Variants in CHST8 observed in about 807,000 individuals in gnomAD.
CHST8 encodes the protein GALNAC-4-ST1.
CHST8 carries 10 observed loss-of-function variants against 15.0 expected under a neutral mutation model. That is an observed-to-expected ratio of 0.67 (90% CI 0.41 to 1.13). CHST8 has a LOEUF of 1.13. Ranked by LOEUF, CHST8 falls within the 50% of genes most tolerant of loss-of-function variation. The pLI, the probability that CHST8 is intolerant of heterozygous loss-of-function variation, is 0.00. For synonymous variants in CHST8, 259 were observed against 256.6 expected (o/e 1.01, Z -0.09); for missense variants, 634 against 608.2 (o/e 1.04, Z -0.45).
chr19:33,678,362 C>A (rs1439438380), intron 2 of CHST8, among the ~76,000 whole-genome samples: 1 of 152,152 alleles, frequency 6.6e-6, no homozygotes, highest in African/African-American at 2.4e-5. Flanking sequence ...GGCCAAGAGA[C>A]TTTTGTTCTG....
chr19:33,680,131 G>T (rs376386146), intron 2 of CHST8, among the ~76,000 whole-genome samples: 2 of 151,986 alleles, frequency 1.3e-5, no homozygotes, highest in Non-Finnish European at 2.9e-5. Context: ...ACTCCATCTC[G>T]GTATCTCCTT....
intron 1 of CHST8, among the ~76,000 whole-genome samples, chr19:33,643,227 G>A (rs948954344): frequency 3.9e-5 from 6 of 152,058 alleles, no homozygotes; most frequent in African/African-American, 1.4e-4. Context: ...AATCACAACC[G>A]CACTGGGAAT....
At chr19:33,630,605 T>C (rs1052562523) in intron 1 of CHST8, among the ~76,000 whole-genome samples, 1 of 151,032 alleles carries the variant, frequency 6.6e-6, no homozygotes, top group African/African-American at 2.4e-5. Context: ...AGGCAGTCTG[T>C]CTACACTGGT....
Position 33,710,472 on chromosome 19 carries a change from T to C in CHST8, c.130+21081T>C, listed in dbSNP as rs546148311. 2.0e-5 allele frequency among the ~76,000 whole-genome samples: 3 copies of C among 152,346 alleles called. No individual in the cohort carries two copies. The South Asian group carries it at 6.2e-4, about 32-fold the overall frequency. ...TTTTTCATTTCTTAAGGTGGAAGAT[T>C]AGGCTATTGATTTGAGATTCTTCTT... On this transcript the variant is annotated intron_variant, in intron 3 of 4. Transcript: ENST00000650847.
intron 3 of CHST8, among the ~76,000 whole-genome samples, chr19:33,717,923 G>A (rs1444885956): frequency 6.6e-6 from 1 of 152,136 alleles, no homozygotes; most frequent in Non-Finnish European, 1.5e-5. Flanking sequence ...AGAGGTACTG[G>A]GGGTTAGGAC....
chr19:33,764,587 C>T (rs1400081412), intron 3 of CHST8, among the ~76,000 whole-genome samples: 1 of 152,206 alleles, frequency 6.6e-6, no homozygotes, highest in Non-Finnish European at 1.5e-5. Context: ...GTGCCCGCCC[C>T]ACCCTCAAAA....
chr19:33,746,813 G>A (rs1303950599), intron 3 of CHST8, among the ~76,000 whole-genome samples: 3 of 151,942 alleles, frequency 2.0e-5, no homozygotes, highest in African/African-American at 7.2e-5. Flanking sequence ...CAGATAACTG[G>A]TACATTTTGT....
At chr19:33,713,372 A>G (rs1354670261) in intron 3 of CHST8, among the ~76,000 whole-genome samples, 2 of 152,036 alleles carry the variant, frequency 1.3e-5, no homozygotes, top group East Asian at 2.0e-4. Flanking sequence ...AGGGGAGCCA[A>G]TTATGCAATG....
intron 3 of CHST8, among the ~76,000 whole-genome samples, chr19:33,726,722 A>G (rs1427125870): frequency 6.6e-6 from 1 of 152,036 alleles, no homozygotes; most frequent in African/African-American, 2.4e-5. Flanking sequence ...TGGCGAGGAC[A>G]GGTTTAGATT....
At chr19:33,745,962 G>A (rs1178182494) in intron 3 of CHST8, among the ~76,000 whole-genome samples, 2 of 152,196 alleles carry the variant, frequency 1.3e-5, no homozygotes, top group Admixed American at 1.3e-4. Context: ...ATGGGACAAG[G>A]AGTGACTAAG....
intron 3 of CHST8, among the ~76,000 whole-genome samples, chr19:33,769,855 C>G (rs1462360769): frequency 5.3e-5 from 8 of 152,134 alleles, no homozygotes; most frequent in Non-Finnish European, 1.5e-5. Flanking sequence ...GATGGGGACA[C>G]TCTGCCCTTT....
intron 3 of CHST8, among the ~76,000 whole-genome samples, chr19:33,750,837 G>A (rs10406447): frequency 0.08 from 12,180 of 151,856 alleles, 1,590 homozygotes; most frequent in African/African-American, 0.28. Flanking sequence ...CTTTCAGACC[G>A]AGCCTCTCCA....
At chr19:33,751,117 AT>A (rs1974410466) in intron 3 of CHST8, among the ~76,000 whole-genome samples, 1 of 152,230 alleles carries the variant, frequency 6.6e-6, no homozygotes, top group African/African-American at 2.4e-5. Flanking sequence ...AAGGCAAGTC[AT>A]TAACGTGGCC....
intron 3 of CHST8, among the ~76,000 whole-genome samples, chr19:33,762,020 C>T (rs1330672713): frequency 6.6e-6 from 1 of 152,234 alleles, no homozygotes; most frequent in Non-Finnish European, 1.5e-5. Context: ...GGCACCTGTG[C>T]AGCACAAATG....
chr19:33,689,049 A>G, intron 2 of CHST8, 127 bp from the exon 3 acceptor site: 1 of 430,500 alleles, frequency 2.3e-6, no homozygotes, highest in Non-Finnish European at 3.9e-6. Flanking sequence ...TGGAAAGGGC[A>G]CCCCTGGGTA....
chr19:33,772,580 G>T lies in CHST8; in HGVS notation c.792G>T (p.Leu264=), dbSNP rs763894788. The T allele has an allele frequency of 6.2e-7, 1 of 1,614,044 alleles. No homozygotes were observed. The change falls in exon 5 of 5, where the codon CTG becomes CTT. Residue 264 remains leucine (L), a synonymous_variant. Transcript: ENST00000650847. ...MLFVREPFER[L]VSAFRDKFEH... ...TTGTCCGCGAGCCCTTCGAGAGGCT[G>T]GTGTCCGCCTTCCGCGACAAGTTTG... is the stretch of plus-strand genomic sequence containing the variant.
chr19:33,759,251 G>C (rs1232112958), intron 3 of CHST8, among the ~76,000 whole-genome samples: 1 of 152,216 alleles, frequency 6.6e-6, no homozygotes, highest in African/African-American at 2.4e-5. Flanking sequence ...GCTCCAGCCT[G>C]ACTCACTTGC....
intron 3 of CHST8, among the ~76,000 whole-genome samples, chr19:33,709,693 T>C (rs1465642628): frequency 6.6e-6 from 1 of 152,206 alleles, no homozygotes; most frequent in Non-Finnish European, 1.5e-5. Flanking sequence ...ATCAGATTAA[T>C]ACAGGATTTA....
chr19:33,657,174 T>C (rs1568317147), intron 1 of CHST8, among the ~76,000 whole-genome samples: 1 of 145,326 alleles, frequency 6.9e-6, no homozygotes, highest in Non-Finnish European at 1.5e-5. Flanking sequence ...CATATACTTA[T>C]ACACACATAC....
Sources: allele counts gnomAD v4.1 joint callset (sites outside exome capture counted in the v4.1 genomes callset), GRCh38; gene constraint gnomAD v4.1.1; transcripts MANE v1.5; gene names NCBI Gene and HGNC (gene_info 2026-07-23, HGNC 2026-07-21).